FRS2: variants seen among roughly 807,000 people sequenced by gnomAD.
FRS2 encodes the protein FGFR signalling adaptor.
A neutral mutation model predicts 43.9 loss-of-function variants in FRS2; 8 were observed. The ratio of observed to expected loss-of-function variants is 0.18; its 90% CI spans 0.11 to 0.33. FRS2 has a LOEUF of 0.33. Ranked by LOEUF, FRS2 falls within the 10% of genes least tolerant of loss-of-function variation. The pLI, the probability that FRS2 is intolerant of heterozygous loss-of-function variation, is 1.00. For missense variants in FRS2, 534 were observed against 627.6 expected (o/e 0.85, Z 1.59); for synonymous variants, 219 against 220.3 (o/e 0.99, Z 0.05).
intron 8 of FRS2, among the ~76,000 whole-genome samples, chr12:69,572,749 T>G (rs767825298): frequency 6.6e-6 from 1 of 152,266 alleles, no homozygotes; most frequent in Non-Finnish European, 1.5e-5. Context: ...GTTATACTTA[T>G]GTTTTGTAAA....
chr12:69,523,633 A>T (rs1235234729), intron 1 of FRS2, among the ~76,000 whole-genome samples: 16 of 152,132 alleles, frequency 1.1e-4, no homozygotes, highest in Non-Finnish European at 1.5e-5. Flanking sequence ...TTAACTTGTT[A>T]TGCTGACTTT....
At chr12:69,471,641 C>T (rs1870306800) in intron 1 of FRS2, among the ~76,000 whole-genome samples, 1 of 152,184 alleles carries the variant, frequency 6.6e-6, no homozygotes, top group Admixed American at 6.5e-5. Context: ...AGGTAGTAAA[C>T]TTTACTGCTG....
chr12:69,536,579 A>ATTTTTTTTTTTT (rs5798939), intron 3 of FRS2, among the ~76,000 whole-genome samples: 1 of 134,260 alleles, frequency 7.4e-6, no homozygotes, highest in Non-Finnish European at 1.6e-5. Flanking sequence ...TTTTTTTTTA[A>ATTTTTTTTTTTT]TTTTTTTTTT....
At chr12:69,505,623 C>T (rs522368) in intron 1 of FRS2, among the ~76,000 whole-genome samples, 14,261 of 152,156 alleles carry the variant, frequency 0.094, 877 homozygotes, top group Non-Finnish European at 0.14. Context: ...GCCAATAACT[C>T]GACATTTTGA....
intron 3 of FRS2, 21 bp from the exon 4 acceptor site, chr12:69,562,159 A>G (rs1196305203): frequency 5.0e-6 from 2 of 397,724 alleles, no homozygotes; most frequent in African/African-American, 4.1e-5. Context: ...GAAATTCTCA[A>G]TGTTTTTCTT....
Position 69,532,001 on chromosome 12 carries a change from G to T in FRS2, c.-164-13G>T, listed in dbSNP as rs915200947. ...AAACTAACATTTCCACTTTCTACCT[G>T]AAATTTTTTTAGGAACAAAATTGTA... On this transcript the variant is annotated splice_polypyrimidine_tract_variant and intron_variant, in intron 2 of 8. Transcript: ENST00000549921. 4 of 152,490 alleles carry T rather than the reference G, an allele frequency of 2.6e-5. No individual in the cohort carries two copies. The highest frequency in any genetic ancestry group is 7.2e-5 in the African/African-American group (3 of 41,404). The allele number at this position is 152,490 out of a possible 1,614,324, so 9.4% of individuals were successfully genotyped here.
At chr12:69,514,465 CAT>C (rs1431309934) in intron 1 of FRS2, among the ~76,000 whole-genome samples, 3 of 152,150 alleles carry the variant, frequency 2.0e-5, no homozygotes, top group African/African-American at 7.2e-5. Context: ...CTGGGATGCA[CAT>C]GTGTGTTTGG....
intron 1 of FRS2, among the ~76,000 whole-genome samples, chr12:69,471,692 G>T (rs944976763): frequency 6.6e-6 from 1 of 152,200 alleles, no homozygotes; most frequent in African/African-American, 2.4e-5. Context: ...AATAAATGGT[G>T]ATTTAAAAAC....
At chr12:69,502,442 CA>C (rs1873540035) in intron 1 of FRS2, among the ~76,000 whole-genome samples, 1 of 151,678 alleles carries the variant, frequency 6.6e-6, no homozygotes, top group African/African-American at 2.4e-5. Context: ...ACTGGTTGCC[CA>C]GGCTGGTGTC....
Position 69,574,008 on chromosome 12 carries a change from C to T in FRS2, c.580C>T (p.His194Tyr). 1 of 1,596,216 alleles carries T rather than the reference C, an allele frequency of 6.3e-7. No homozygotes were observed. The highest frequency in any genetic ancestry group is 1.1e-5 in the South Asian group (1 of 88,450). Residue 194 changes from histidine to tyrosine, a missense_variant, in exon 9 of 9, where the codon CAT (histidine) becomes TAT (tyrosine). By Grantham distance (83) the His-to-Tyr change is moderately conservative. This residue lies in a region of FRS2 where 446 missense variants were observed against 494.2 expected (regional missense o/e 0.90). Coordinates refer to ENST00000549921, the MANE Select transcript of FRS2 (RefSeq NM_001278356.2). The stretch of plus-strand genomic sequence containing the variant: ...TTCACTTTCTGTTTTGTTTTAGGTA[C>T]ATACCTATGTCAACACTACAGGTGT... ...HPLLVAEEQV[H>Y]TYVNTTGVQE...
intron 1 of FRS2, among the ~76,000 whole-genome samples, chr12:69,515,956 G>A (rs1307360767): frequency 1.7e-5 from 2 of 119,530 alleles, no homozygotes; most frequent in Non-Finnish European, 3.2e-5. Context: ...ATTTAACCCC[G>A]GGAAATATCC....
At chr12:69,515,087 C>T (rs1412005660) in intron 1 of FRS2, among the ~76,000 whole-genome samples, 2 of 152,200 alleles carry the variant, frequency 1.3e-5, no homozygotes, top group African/African-American at 4.8e-5. Flanking sequence ...AGACCAAGAG[C>T]AGGTAACCTG....
At chr12:69,471,295 A>G (rs779736514) in intron 1 of FRS2, among the ~76,000 whole-genome samples, 1 of 151,952 alleles carries the variant, frequency 6.6e-6, no homozygotes, top group Non-Finnish European at 1.5e-5. Flanking sequence ...TCTCTAATCT[A>G]CACTCTTAAT....
At chr12:69,536,296 T>G (rs999596485) in intron 3 of FRS2, among the ~76,000 whole-genome samples, 2 of 151,732 alleles carry the variant, frequency 1.3e-5, no homozygotes, top group African/African-American at 4.8e-5. Flanking sequence ...GGCTAATTTC[T>G]GTTTTTTAAG....
intron 1 of FRS2, chr12:69,491,528 T>TC: frequency 7.1e-6 from 1 of 141,288 alleles, no homozygotes; most frequent in Non-Finnish European, 1.5e-5. Context: ...TTTTTTTTTT[T>TC]TGGAGACAGG....
intron 1 of FRS2, among the ~76,000 whole-genome samples, chr12:69,526,923 C>T (rs1876295960): frequency 6.6e-6 from 1 of 152,104 alleles, no homozygotes; most frequent in Non-Finnish European, 1.5e-5. Flanking sequence ...CAGGGTTTCA[C>T]CATGTTATCC....
chr12:69,509,713 ATTC>A lies in FRS2; in HGVS notation c.-260-21149_-260-21147del, dbSNP rs536038685. Reference sequence around the variant, plus strand: ...TCAACTTTCTTGGTCTTGATAGGTTATTCTTTTCCTTTTCTAGCTTCCAAAATG... The same window carrying A: ...TCAACTTTCTTGGTCTTGATAGGTTATTTTCCTTTTCTAGCTTCCAAAATG... On this transcript the variant is annotated intron_variant, in intron 1 of 8. Transcript: ENST00000549921. 2.0e-5 allele frequency among the ~76,000 whole-genome samples: 3 copies of A among 152,032 alleles called. No homozygotes were observed. In the South Asian group the frequency reaches 6.2e-4, roughly 32 times the overall value.
Position 69,571,412 on chromosome 12 carries a change from T to C in FRS2, c.390T>C (p.Pro130=). 1 of 1,612,850 alleles carries C rather than the reference T, an allele frequency of 6.2e-7. No homozygotes were observed. The highest frequency in any genetic ancestry group is 8.5e-7 in the Non-Finnish European group (1 of 1,179,348). The part of the protein sequence containing the change: ...RNNHQTELEV[P]RTPRTPTTPG... ...ATCATCAGACAGAATTGGAAGTCCCTAGAACACCTCGAACACCTACAAGTA... is the reference window on the plus strand; with the variant it reads ...ATCATCAGACAGAATTGGAAGTCCCCAGAACACCTCGAACACCTACAAGTA... The change falls in exon 7 of 9, where the codon CCT becomes CCC. Residue 130 remains proline (P), a synonymous_variant. Coordinates refer to ENST00000549921, the MANE Select transcript of FRS2 (RefSeq NM_001278356.2).
intron 3 of FRS2, among the ~76,000 whole-genome samples, chr12:69,541,785 A>G (rs903976875): frequency 6.8e-6 from 1 of 146,260 alleles, no homozygotes; most frequent in Non-Finnish European, 1.5e-5. Flanking sequence ...AGATTGCACC[A>G]CTGCACTCCA....
Sources: gnomAD v4.1 joint callset for allele counts (sites outside exome capture counted in the v4.1 genomes callset) on GRCh38, gnomAD v4.1.1 for gene constraint, gnomAD v4.1.1 regional missense constraint, MANE v1.5 for transcripts, NCBI Gene and HGNC (gene_info 2026-07-23, HGNC 2026-07-21) for gene names.